Variants in PXDNL observed in about 807,000 individuals in gnomAD.
PXDNL encodes the protein probable oxidoreductase PXDNL.
In PXDNL, 145 loss-of-function variants were observed where a neutral mutation model predicts 150.8. That is an observed-to-expected ratio of 0.96 (90% CI 0.84 to 1.10). PXDNL has a LOEUF of 1.10. Ranked by LOEUF, PXDNL falls within the 50% of genes least tolerant of loss-of-function variation. The probability of loss-of-function intolerance (pLI) is 0.00; values close to 1 mark genes in which losing one functional copy is unlikely to be tolerated. For synonymous variants in PXDNL, 757 were observed against 725.7 expected (o/e 1.04, Z -0.69); for missense variants, 2,087 against 1,873.9 (o/e 1.11, Z -2.10).
At chr8:51,529,206 T>C (rs1811831981) in intron 4 of PXDNL, among the ~76,000 whole-genome samples, 1 of 152,170 alleles carries the variant, frequency 6.6e-6, no homozygotes, top group South Asian at 2.1e-4. Flanking sequence ...AGTTTGGGGA[T>C]TATGGGCATT....
intron 14 of PXDNL, among the ~76,000 whole-genome samples, chr8:51,419,193 G>A (rs1167647759): frequency 6.6e-6 from 1 of 152,184 alleles, no homozygotes; most frequent in Non-Finnish European, 1.5e-5. Context: ...GAATTTCAGA[G>A]GAGATAACAT....
At chr8:51,733,900 CAAA>C (rs1469304641) in intron 1 of PXDNL, among the ~76,000 whole-genome samples, 3 of 147,528 alleles carry the variant, frequency 2.0e-5, no homozygotes, top group Non-Finnish European at 4.5e-5. Context: ...AAGGAAAAAA[CAAA>C]AGAAGGGATA....
chr8:51,673,784 T>C (rs1314790078), intron 1 of PXDNL, among the ~76,000 whole-genome samples: 1 of 152,162 alleles, frequency 6.6e-6, no homozygotes, highest in East Asian at 1.9e-4. Context: ...TAGTTAAATA[T>C]GGAGATGATG....
intron 1 of PXDNL, among the ~76,000 whole-genome samples, chr8:51,755,568 A>C (rs562209274): frequency 6.6e-6 from 1 of 152,346 alleles, no homozygotes; most frequent in Non-Finnish European, 1.5e-5. Flanking sequence ...CTGGGGTTTC[A>C]GGCATTAGCC....
chr8:51,754,888 A>T (rs12679326), intron 1 of PXDNL, among the ~76,000 whole-genome samples: 142,913 of 151,964 alleles, frequency 0.94, 67,767 homozygotes, highest in East Asian at 1. Context: ...ATTCAGCATT[A>T]AAAAAAAAAT....
At chr8:51,793,183 G>T (rs1394435355) in intron 1 of PXDNL, among the ~76,000 whole-genome samples, 1 of 152,128 alleles carries the variant, frequency 6.6e-6, no homozygotes, top group African/African-American at 2.4e-5. Context: ...TTGCACGAGG[G>T]ACCCAGGTCT....
intron 4 of PXDNL, among the ~76,000 whole-genome samples, chr8:51,555,842 A>AT (rs1315620354): frequency 6.6e-6 from 1 of 152,218 alleles, no homozygotes; most frequent in Non-Finnish European, 1.5e-5. Context: ...TAGTAGCAGT[A>AT]TTAGTAAACA....
At chr8:51,515,615 C>T (rs79271439) in intron 4 of PXDNL, among the ~76,000 whole-genome samples, 7 of 152,302 alleles carry the variant, frequency 4.6e-5, no homozygotes, top group Admixed American at 1.3e-4. Flanking sequence ...GAACATCTCA[C>T]GGGATTGATG....
chr8:51,434,260 T>A (rs1188848807), intron 12 of PXDNL, among the ~76,000 whole-genome samples: 1 of 152,264 alleles, frequency 6.6e-6, no homozygotes, highest in East Asian at 1.9e-4. Flanking sequence ...GTTGTTAGTT[T>A]AAATGCTCTA....
At chr8:51,494,020 C>T (rs180983919) in intron 5 of PXDNL, among the ~76,000 whole-genome samples, 256 of 152,266 alleles carry the variant, frequency 1.7e-3, no homozygotes, top group South Asian at 3.1e-3. Flanking sequence ...ATGTTAAGGG[C>T]AGCCAGAGAG....
chr8:51,352,584 C>A (rs555402358), intron 19 of PXDNL, among the ~76,000 whole-genome samples: 1 of 152,250 alleles, frequency 6.6e-6, no homozygotes, highest in South Asian at 2.1e-4. Flanking sequence ...TCTCTTCCTC[C>A]CGCCACCTTC....
chr8:51,431,427 C>T (rs1386984425), intron 12 of PXDNL, among the ~76,000 whole-genome samples: 1 of 152,194 alleles, frequency 6.6e-6, no homozygotes, highest in Admixed American at 6.5e-5. Flanking sequence ...TATTCCACAG[C>T]CCACTTCATT....
Position 51,409,084 on chromosome 8 carries a change from G to GT in PXDNL, c.2539dup (p.Thr847AsnfsTer174). On this transcript the variant is annotated frameshift_variant, in exon 17 of 23. Transcript: ENST00000356297. LOFTEE classifies it high-confidence loss of function. The stretch of plus-strand genomic sequence containing the variant: ...GGTGCCCCGGGGGTCGGCGTGCCGG[G>GT]TGTTCATGGGGAAACAAGGAGGGTC... 7 of 1,609,582 alleles carry GT rather than the reference G, an allele frequency of 4.3e-6. No individual in the cohort carries two copies. The highest frequency in any genetic ancestry group is 5.9e-6 in the Non-Finnish European group (7 of 1,179,454).
At chr8:51,430,281 C>T (rs1287965342) in intron 12 of PXDNL, among the ~76,000 whole-genome samples, 1 of 152,186 alleles carries the variant, frequency 6.6e-6, no homozygotes, top group African/African-American at 2.4e-5. Flanking sequence ...GACCAACAAT[C>T]TTCTAGTCTC....
intron 2 of PXDNL, among the ~76,000 whole-genome samples, chr8:51,608,070 C>A (rs143707791): frequency 0.13 from 14,694 of 112,686 alleles, 1,106 homozygotes; most frequent in East Asian, 0.14. Context: ...AGCAAGCAAG[C>A]AAGCAAGCAA....
chr8:51,761,439 G>C (rs2037165643), intron 1 of PXDNL, among the ~76,000 whole-genome samples: 1 of 152,082 alleles, frequency 6.6e-6, no homozygotes, highest in Non-Finnish European at 1.5e-5. Context: ...GAATTTCTTA[G>C]CTCATATCCA....
chr8:51,653,246 T>C (rs1478591743), intron 2 of PXDNL, among the ~76,000 whole-genome samples: 1 of 152,014 alleles, frequency 6.6e-6, no homozygotes, highest in Non-Finnish European at 1.5e-5. Flanking sequence ...GGCAAAACCC[T>C]GTCTCTACTA....
chr8:51,744,220 G>T (rs1253100631), intron 1 of PXDNL, among the ~76,000 whole-genome samples: 1 of 136,582 alleles, frequency 7.3e-6, no homozygotes, highest in Non-Finnish European at 1.5e-5. Context: ...AAGGAAGGAA[G>T]GGAAGAAGAG....
chr8:51,609,005 G>A (rs1813939843), intron 2 of PXDNL, among the ~76,000 whole-genome samples: 1 of 152,044 alleles, frequency 6.6e-6, no homozygotes, highest in Non-Finnish European at 1.5e-5. Flanking sequence ...AACTCTATCA[G>A]GATTAAGTGG....
Sources: gnomAD v4.1 joint callset for allele counts (sites outside exome capture counted in the v4.1 genomes callset) on GRCh38, gnomAD v4.1.1 for gene constraint, MANE v1.5 for transcripts, NCBI Gene and HGNC (gene_info 2026-07-23, HGNC 2026-07-21) for gene names.